The following RECQL4 variants were observed in gnomAD, a reference collection of about 807,000 sequenced individuals.
RECQL4 encodes RecQ like helicase 4, also known as ATP-dependent DNA helicase Q4.
In RECQL4, 158 loss-of-function variants were observed where a neutral mutation model predicts 128.6. That is an observed-to-expected ratio of 1.23 (90% CI 1.08 to 1.40). The LOEUF (loss-of-function observed/expected upper bound fraction) is 1.40, where lower values mean the gene tolerates loss of function less well. Ranked by LOEUF, RECQL4 falls within the 40% of genes most tolerant of loss-of-function variation. The pLI is 0.00. For missense variants in RECQL4, 2,293 were observed against 1,649.8 expected, an observed-to-expected ratio of 1.39 and a Z score of -6.75; for synonymous variants, 996 against 678.9, an observed-to-expected ratio of 1.47 and a Z score of -7.26.
At position 144,514,199 on chromosome 8, in the gene RECQL4, C is replaced by G. The variant is rs201734382; in HGVS notation, c.1868G>C (p.Arg623Pro). Residue 623 changes from arginine to proline, a missense_variant, in exon 11 of 21, where the codon CGC (arginine) becomes CCC (proline). Physicochemically the swap from Arg to Pro is moderately radical, Grantham distance 103. Transcript: ENST00000617875. ...WSHNFRPCYL[R>P]VCKVLRERMG... ...TCACATATGGCTCACCTTGCAGACGCGCAGGTAGCAGGGCCGGAAGTTGTG... is the reference window on the plus strand; with the variant it reads ...TCACATATGGCTCACCTTGCAGACGGGCAGGTAGCAGGGCCGGAAGTTGTG... The G allele has an allele frequency of 6.2e-7, 1 of 1,612,352 alleles. No individual in the cohort carries two copies. The highest frequency in any genetic ancestry group is 1.7e-5 in the Admixed American group (1 of 59,988).
rs865819673 is a variant in RECQL4, at chr8:144,513,983, G to T, written c.2003C>A (p.Ala668Asp). The T allele has an allele frequency of 6.4e-7, 1 of 1,565,270 alleles. No individual in the cohort carries two copies. The highest frequency in any genetic ancestry group is 1.4e-5 in the African/African-American group (1 of 73,664). Residue 668 changes from alanine (A) to aspartate (D), a missense_variant, in exon 12 of 21, where the codon GCC becomes GAC. Transcript: ENST00000617875. ...AAGGTGCAGGTTGGTGGGAACTGGG[G>T]CTGGCCCGTGGAGGTCAGGCTCTTC... is the stretch of plus-strand genomic sequence containing the variant. ...VAEEPDLHGP[A>D]PVPTNLHLSV...
chr8:144,515,111 T>C, intron 8 of RECQL4, 39 bp from the exon 9 acceptor site: 5 of 1,582,460 alleles, frequency 3.2e-6, no homozygotes, highest in Non-Finnish European at 4.3e-6. Flanking sequence ...TTCTGCAGCC[T>C]GGCCTCAGCC....
At chr8:144,514,568 C>T (rs535390317) in intron 9 of RECQL4, 43 bp from the exon 10 acceptor site, 33 of 1,578,152 alleles carry the variant, frequency 2.1e-5, no homozygotes, top group South Asian at 1.1e-4. Flanking sequence ...CAGCCCAGCC[C>T]TGGCCCTTCC....
Position 144,517,637 on chromosome 8 carries a change from T to C in RECQL4, c.85-2A>G, listed in dbSNP as rs1227874093. 2 of 1,483,976 alleles carry C rather than the reference T, an allele frequency of 1.3e-6. No homozygotes were observed. The highest frequency in any genetic ancestry group is 1.8e-6 in the Non-Finnish European group (2 of 1,124,940). The allele number at this position is 1,483,976 out of a possible 1,614,324, so 91.9% of individuals were successfully genotyped here. On this transcript the variant is annotated splice_acceptor_variant, in intron 1 of 20. Coordinates refer to ENST00000617875, the MANE Select transcript of RECQL4 (RefSeq NM_004260.4). LOFTEE classifies it high-confidence loss of function. ...CTCCGGCGCCGCCTCCACGTCGTCCTGTAAAGGGAACGCGTCAGCCGCGGG... is the reference window on the plus strand; with the variant it reads ...CTCCGGCGCCGCCTCCACGTCGTCCCGTAAAGGGAACGCGTCAGCCGCGGG...
At position 144,516,576 on chromosome 8, in the gene RECQL4, C is replaced by T. The variant is rs34159914; in HGVS notation, c.543G>A (p.Gln181=). 5.6e-3 allele frequency: 9,018 copies of T among 1,609,986 alleles called. 32 individuals carry two copies. The highest frequency in any genetic ancestry group is 6.8e-3 in the Non-Finnish European group (8,049 of 1,178,694). ...RLQHLQASLS[Q]RLGSLDPGWL... ...AGCCAGGATCTAGGGAGCCCAGCCGCTGGCTCAGGGATGCCTGCAGATGCT... is the reference window on the plus strand; with the variant it reads ...AGCCAGGATCTAGGGAGCCCAGCCGTTGGCTCAGGGATGCCTGCAGATGCT... Residue 181 remains glutamine, a synonymous_variant, in exon 5 of 21, where the codon CAG becomes CAA. Coordinates refer to ENST00000617875, the MANE Select transcript of RECQL4 (RefSeq NM_004260.4).
At chr8:144,514,390 C>G in intron 10 of RECQL4, 28 bp from the exon 11 acceptor site, 4 of 1,599,756 alleles carry the variant, frequency 2.5e-6, no homozygotes, top group Non-Finnish European at 3.4e-6. Context: ...AGAGGCACAG[C>G]CCAGGTGCCC....
Position 144,517,810 on chromosome 8 carries a change from C to A in RECQL4, c.-26G>T. On this transcript the variant is annotated 5_prime_UTR_variant, in exon 1 of 21. Coordinates refer to ENST00000617875, the MANE Select transcript of RECQL4 (RefSeq NM_004260.4). Reference sequence around the variant, plus strand: ...GGCGCGCGCGCCCGCCCGGCCTCCGCGCTTGCGATCGTCCAGCGAATCTCC... The same window carrying A: ...GGCGCGCGCGCCCGCCCGGCCTCCGAGCTTGCGATCGTCCAGCGAATCTCC... 8.3e-7 allele frequency: 1 copy of A among 1,199,370 alleles called. No individual in the cohort carries two copies. Among genetic ancestry groups the A allele is most frequent in the Non-Finnish European group, 1.0e-6 (1 of 964,592 alleles). The allele number at this position is 1,199,370 out of a possible 1,614,324, so 74.3% of individuals were successfully genotyped here.
intron 19 of RECQL4, 61 bp from the exon 20 acceptor site, chr8:144,511,850 A>G: frequency 6.2e-7 from 1 of 1,610,192 alleles, no homozygotes; most frequent in South Asian, 1.1e-5. Context: ...CCACAGAGCA[A>G]GCCCCATGCA....
Position 144,511,723 on chromosome 8 carries a change from T to C in RECQL4, c.3460A>G (p.Lys1154Glu), listed in dbSNP as rs1564787413. 1.2e-6 allele frequency: 2 copies of C among 1,612,496 alleles called. No homozygotes were observed. The highest frequency in any genetic ancestry group is 2.2e-5 in the South Asian group (2 of 91,082). Residue 1154 changes from lysine to glutamate, a missense_variant, in exon 20 of 21, where the codon AAG becomes GAG. Lys to Glu is a moderately conservative substitution (Grantham distance 56). Coordinates refer to ENST00000617875, the MANE Select transcript of RECQL4 (RefSeq NM_004260.4). ...CGGGCCACAGCCCTGCTGGAGAACT[T>C]CTCCTCTGGCCTCAGGGACAGGAAC... ...RQFLSLRPEE[K>E]FSSRAVARIF...
intron 4 of RECQL4, 34 bp downstream of exon 4, chr8:144,517,016 C>T (rs1815204660): frequency 1.3e-6 from 2 of 1,590,598 alleles, no homozygotes; most frequent in South Asian, 2.2e-5. Context: ...CAGCTGTGGA[C>T]CTAGCGTGGA....
Position 144,511,391 on chromosome 8 carries a change from A to G in RECQL4, c.*40T>C, listed in dbSNP as rs1444361587. The G allele has an allele frequency of 1.2e-6, 2 of 1,601,438 alleles. No individual in the cohort carries two copies. The highest frequency in any genetic ancestry group is 1.7e-6 in the Non-Finnish European group (2 of 1,170,618). On this transcript the variant is annotated 3_prime_UTR_variant, in exon 21 of 21. Transcript: ENST00000617875. The stretch of plus-strand genomic sequence containing the variant: ...TCCTCAGTCACTGCCCTAGCCTCTG[A>G]CAACCCCAGCTCTACCCGACATCCC...
rs775509164 is a variant in RECQL4 at position 144,513,621 on chromosome 8, G to T, written c.2150C>A (p.Ala717Asp). The change falls in exon 13 of 21, where the codon GCT (alanine) becomes GAT (aspartate). Residue 717 changes from alanine to aspartate, a missense_variant. Transcript: ENST00000617875. ...GTGCAGGCAGGTTCGGAGGAGCGCA[G>T]CGATCCGCTCTGTGTCCTCGCGCCG... ...CNRREDTERI[A>D]ALLRTCLHAA... is the part of the protein sequence containing the mutation. 2 of 1,602,374 alleles carry T rather than the reference G, an allele frequency of 1.2e-6. No individual in the cohort carries two copies. Among genetic ancestry groups the T allele is most frequent in the Non-Finnish European group, 1.7e-6 (2 of 1,175,100 alleles).
rs746487281 is a variant in RECQL4 at position 144,516,418 on chromosome 8, G to C, written c.701C>G (p.Ser234Cys). The C allele has an allele frequency of 5.0e-6, 8 of 1,609,280 alleles. No homozygotes were observed. Among genetic ancestry groups the C allele is most frequent in the Non-Finnish European group, 6.8e-6 (8 of 1,179,692 alleles). ...GAAGGCTGAAGCCTCTGGGCCCTGG[G>C]AGCCAGCACCAGGACCAAGGACAGC... ...ESAVLGPGAGSQGPEASAFQE... is the reference protein window; with the variant it reads ...ESAVLGPGAGCQGPEASAFQE... The change falls in exon 5 of 21, where the codon TCC (serine) becomes TGC (cysteine). Residue 234 changes from serine to cysteine, a missense_variant. Coordinates refer to ENST00000617875, the MANE Select transcript of RECQL4 (RefSeq NM_004260.4).
At position 144,516,881 on chromosome 8, in the gene RECQL4, G is replaced by A. The variant is rs1410958478; in HGVS notation, c.355-117C>T. The A allele has an allele frequency of 6.6e-6, 9 of 1,372,712 alleles. No homozygotes were observed. The East Asian group carries it at 7.0e-5, about 11-fold the overall frequency. 85.0% of individuals were successfully genotyped at this position (1,372,712 alleles called of 1,614,324 possible). A position where few individuals can be genotyped will look rare whatever the true frequency, so the allele number is the denominator to read the frequency against. On this transcript the variant is annotated intron_variant, in intron 4 of 20. Transcript: ENST00000617875. ...AGAGCAGGCTAATTAGCACAAGGCT[G>A]GACTAGAAAGGGAGTCAAGGGCGAA...
chr8:144,513,572 T>G lies in RECQL4; in HGVS notation c.2199A>C (p.Gly733=). 6.2e-7 allele frequency: 1 copy of G among 1,610,698 alleles called. No individual in the cohort carries two copies. The highest frequency in any genetic ancestry group is 1.1e-5 in the South Asian group (1 of 90,670). ...ACACCAGCTCTGTCCATGCCGCACC[T>G]CCAGACCCTGGGACCCAGGCTGCGT... ...CLHAAWVPGS[G]GRAPKTTAEA... is the part of the protein sequence containing the mutation. The change falls in exon 13 of 21, where the codon GGA becomes GGC. Residue 733 remains glycine, a splice_region_variant and synonymous_variant. Transcript: ENST00000617875.
Position 144,515,652 on chromosome 8 carries a change from G to A in RECQL4, c.1258+112C>T, listed in dbSNP as rs1564803574. ...CTTCAGGGGAGCTAGGGTAGGGCCT[G>A]GACCAGGGGTACCTGGAAGGCCTGT... is the stretch of plus-strand genomic sequence containing the variant. On this transcript the variant is annotated intron_variant, in intron 6 of 20. Transcript: ENST00000617875. 17 of 1,473,536 alleles carry A rather than the reference G, an allele frequency of 1.2e-5. No homozygotes were observed. The South Asian group carries it at 1.8e-4, about 16-fold the overall frequency. 91.3% of individuals were successfully genotyped at this position (1,473,536 alleles called of 1,614,324 possible).
At chr8:144,511,657 C>CCTGCAGT in intron 20 of RECQL4, 24 bp downstream of exon 20, 1 of 1,610,224 alleles carries the variant, frequency 6.2e-7, no homozygotes, top group Non-Finnish European at 8.5e-7. Flanking sequence ...CAGCCTGCAG[C>CCTGCAGT]GGGTGGGGCC....
rs773560213 is a variant in RECQL4, at chr8:144,515,011, T to C, written c.1545A>G (p.Pro515=). The C allele has an allele frequency of 6.2e-7, 1 of 1,611,100 alleles. No homozygotes were observed. The highest frequency in any genetic ancestry group is 8.5e-7 in the Non-Finnish European group (1 of 1,179,336). The change falls in exon 9 of 21, where the codon CCA becomes CCG. Residue 515 remains proline (P), a synonymous_variant. Coordinates refer to ENST00000617875, the MANE Select transcript of RECQL4 (RefSeq NM_004260.4). The stretch of plus-strand genomic sequence containing the variant: ...GGCTGCGCCGGCTGTAGAGCAGCGC[T>C]GGGAGCTGGTAGCACAGGGACTTGC... The part of the protein sequence containing the change: ...GAGKSLCYQL[P]ALLYSRRSPC...
rs372417964 is a variant in RECQL4, at chr8:144,516,196, G to A, written c.923C>T (p.Pro308Leu). The A allele has an allele frequency of 1.4e-5, 23 of 1,613,294 alleles. No individual in the cohort carries two copies. Among genetic ancestry groups the A allele is most frequent in the Non-Finnish European group, 1.6e-5 (19 of 1,179,880 alleles). ...GTTCGATGGGCTGCTGCAGGGCTGA[G>A]GTGGCTGTGCCTGTACAGGTTCCCC... ...PPGEPVQAQPPQPCSSPSNPR... is the reference protein window; with the variant it reads ...PPGEPVQAQPLQPCSSPSNPR... The change falls in exon 5 of 21, where the codon CCT (proline) becomes CTT (leucine). Residue 308 changes from proline (P) to leucine (L), a missense_variant. Transcript: ENST00000617875.
Sources: gnomAD v4.1 joint callset for allele counts on GRCh38, gnomAD v4.1.1 for gene constraint, MANE v1.5 for transcripts, NCBI Gene and HGNC (gene_info 2026-07-23, HGNC 2026-07-21) for gene names.